Variants in UNC5C observed in about 807,000 individuals in gnomAD.
UNC5C encodes netrin receptor UNC5C.
In UNC5C, 47 loss-of-function variants were observed where a neutral mutation model predicts 99.8. That is an observed-to-expected ratio of 0.47 (90% CI 0.37 to 0.60). UNC5C has a LOEUF of 0.60. UNC5C is among the 20% of genes least tolerant of loss of function. The pLI, the probability that UNC5C is intolerant of heterozygous loss-of-function variation, is 0.00. For synonymous variants in UNC5C, 487 were observed against 452.2 expected (o/e 1.08, Z -0.98); for missense variants, 1,062 against 1,165.9 (o/e 0.91, Z 1.30).
rs1560836855 is a variant in UNC5C at position 95,448,234 on chromosome 4, G to GAGAGAGAGAGAGAGAC, written c.124+100499_124+100500insGTCTCTCTCTCTCTCT. 6.5e-4 allele frequency among the ~76,000 whole-genome samples: 93 copies of GAGAGAGAGAGAGAGAC among 143,448 alleles called. 1 individual carries two copies. Among genetic ancestry groups the GAGAGAGAGAGAGAGAC allele is most frequent in the African/African-American group, 1.6e-3 (63 of 38,910 alleles). The allele number at this position is 143,448 out of a possible 152,430, so 94.1% of individuals were successfully genotyped here. A position where few individuals can be genotyped will look rare whatever the true frequency, so the allele number is the denominator to read the frequency against. ...TGTGTGTGTGTGTGTGTGTGAGAGA[G>GAGAGAGAGAGAGAGAC]AGAGAGAGAGAGAGAGAGAGAGAGA... On this transcript the variant is annotated intron_variant, in intron 1 of 15. Coordinates refer to ENST00000453304, the MANE Select transcript of UNC5C (RefSeq NM_003728.4).
At chr4:95,272,614 C>G (rs1740703503) in intron 4 of UNC5C, among the ~76,000 whole-genome samples, 1 of 152,040 alleles carries the variant, frequency 6.6e-6, no homozygotes, top group Non-Finnish European at 1.5e-5. Flanking sequence ...TTGATTGGAC[C>G]AAAGCAAAGC....
intron 1 of UNC5C, among the ~76,000 whole-genome samples, chr4:95,347,111 T>C (rs1220728455): frequency 6.6e-6 from 1 of 152,072 alleles, no homozygotes; most frequent in Non-Finnish European, 1.5e-5. Flanking sequence ...AGCATTTCTA[T>C]ATGCCAACAG....
intron 3 of UNC5C, among the ~76,000 whole-genome samples, chr4:95,296,676 A>C (rs1032009021): frequency 4.7e-4 from 71 of 152,180 alleles, no homozygotes; most frequent in Admixed American, 4.7e-3. Flanking sequence ...TGGCAATTTT[A>C]AGTATATATT....
chr4:95,239,775 A>G (rs948990226), intron 7 of UNC5C, among the ~76,000 whole-genome samples: 5 of 152,156 alleles, frequency 3.3e-5, no homozygotes, highest in Non-Finnish European at 5.9e-5. Context: ...CTTAACAAGG[A>G]AATATATCTG....
intron 4 of UNC5C, among the ~76,000 whole-genome samples, chr4:95,260,791 G>A (rs1740191760): frequency 6.6e-6 from 1 of 152,116 alleles, no homozygotes; most frequent in African/African-American, 2.4e-5. Context: ...AAATTGGGAC[G>A]ACAGAGAAGC....
intron 7 of UNC5C, among the ~76,000 whole-genome samples, chr4:95,230,622 A>G (rs1395724442): frequency 6.6e-6 from 1 of 151,952 alleles, no homozygotes; most frequent in African/African-American, 2.4e-5. Context: ...TTTTTGTATA[A>G]GGTGTAAGGA....
intron 1 of UNC5C, among the ~76,000 whole-genome samples, chr4:95,391,104 G>T (rs1007317310): frequency 2.0e-5 from 3 of 152,178 alleles, no homozygotes; most frequent in African/African-American, 7.2e-5. Context: ...CTGTTGCCAT[G>T]CAAGATGTGT....
At position 95,278,126 on chromosome 4, in the gene UNC5C, C is replaced by G. The variant is rs1428926232; in HGVS notation, c.594+133G>C. On this transcript the variant is annotated intron_variant, in intron 4 of 15. Transcript: ENST00000453304. ...CCCAATCAATCTATTTTGCCAGCAGCAGGCAGTTAGGACTCTATTACCAAC... is the reference window on the plus strand; with the variant it reads ...CCCAATCAATCTATTTTGCCAGCAGGAGGCAGTTAGGACTCTATTACCAAC... 1.0e-5 allele frequency: 7 copies of G among 698,922 alleles called. No homozygotes were observed. In the East Asian group the frequency reaches 1.9e-4, roughly 19 times the overall value. The allele number at this position is 698,922 out of a possible 1,614,324, so 43.3% of individuals were successfully genotyped here.
intron 1 of UNC5C, among the ~76,000 whole-genome samples, chr4:95,384,379 T>G (rs1745152138): frequency 6.6e-6 from 1 of 152,130 alleles, no homozygotes; most frequent in African/African-American, 2.4e-5. Context: ...CAGATGGGCA[T>G]GCAGGGGAAA....
At chr4:95,461,911 G>T (rs1747611458) in intron 1 of UNC5C, among the ~76,000 whole-genome samples, 1 of 152,166 alleles carries the variant, frequency 6.6e-6, no homozygotes, top group Non-Finnish European at 1.5e-5. Context: ...AATGAAACAT[G>T]TATTTGCCTG....
intron 1 of UNC5C, among the ~76,000 whole-genome samples, chr4:95,399,331 C>T (rs1159984448): frequency 6.6e-6 from 1 of 152,276 alleles, no homozygotes; most frequent in East Asian, 1.9e-4. Context: ...CTGTCAACAA[C>T]TCCACAAAAA....
At chr4:95,337,917 T>C (rs979337410) in intron 1 of UNC5C, among the ~76,000 whole-genome samples, 9 of 152,060 alleles carry the variant, frequency 5.9e-5, no homozygotes, top group African/African-American at 2.2e-4. Context: ...CATAGTAGTT[T>C]ATTAAGATTT....
At chr4:95,308,960 A>T (rs1742166219) in intron 2 of UNC5C, among the ~76,000 whole-genome samples, 2 of 152,014 alleles carry the variant, frequency 1.3e-5, no homozygotes, top group Non-Finnish European at 2.9e-5. Flanking sequence ...ATCACAAAAG[A>T]CCCTGAATAG....
chr4:95,270,425 A>AG (rs1422908992), intron 4 of UNC5C, among the ~76,000 whole-genome samples: 1 of 152,004 alleles, frequency 6.6e-6, no homozygotes, highest in Non-Finnish European at 1.5e-5. Flanking sequence ...ACAATGGTAA[A>AG]AAATATAGCC....
chr4:95,534,176 AT>A (rs2149493747), intron 1 of UNC5C, among the ~76,000 whole-genome samples: 1 of 152,350 alleles, frequency 6.6e-6, no homozygotes, highest in Non-Finnish European at 1.5e-5. Context: ...GACAAAGAAA[AT>A]TACAAGTGAA....
Position 95,220,057 on chromosome 4 carries a change from C to G in UNC5C, c.1228G>C (p.Glu410Gln). ...FVYRKNHRDF[E>Q]SDIIDSSALN... is the part of the protein sequence containing the mutation. ...GCCGAAGAGTCAATAATATCTGACTCAAAGTCACGATGATTCTTCCGATAC... is the reference window on the plus strand; with the variant it reads ...GCCGAAGAGTCAATAATATCTGACTGAAAGTCACGATGATTCTTCCGATAC... The change falls in exon 8 of 16, where the codon GAG becomes CAG. Residue 410 changes from glutamate (E) to glutamine (Q), a missense_variant. Transcript: ENST00000453304. The G allele has an allele frequency of 6.2e-7, 1 of 1,614,106 alleles. No individual in the cohort carries two copies. The highest frequency in any genetic ancestry group is 1.6e-4 in the Middle Eastern group (1 of 6,062).
rs113654669 is a variant in UNC5C, at chr4:95,489,613, T to C, written c.124+59121A>G. On this transcript the variant is annotated intron_variant, in intron 1 of 15. Coordinates refer to ENST00000453304, the MANE Select transcript of UNC5C (RefSeq NM_003728.4). ...TACTGCCATATTATAGATGTGAGAG[T>C]CCTGCCCTGGAAGGGAGCAGAGAGA... Among the ~76,000 whole-genome samples, 15 of 151,524 alleles carry C rather than the reference T, an allele frequency of 9.9e-5. 1 individual carries two copies. The highest frequency in any genetic ancestry group is 3.6e-4 in the African/African-American group (15 of 41,354).
chr4:95,212,311 A>C (rs1211433273), intron 10 of UNC5C, among the ~76,000 whole-genome samples: 2 of 139,530 alleles, frequency 1.4e-5, no homozygotes, highest in African/African-American at 5.6e-5. Flanking sequence ...CTCTTTCTTT[A>C]CATTTTTACT....
intron 1 of UNC5C, among the ~76,000 whole-genome samples, chr4:95,525,984 GA>G (rs1276646103): frequency 1.3e-5 from 2 of 152,218 alleles, no homozygotes; most frequent in East Asian, 3.9e-4. Context: ...TAGGCTTAAT[GA>G]AAGACTAAAG....
Sources: allele counts gnomAD v4.1 joint callset (sites outside exome capture counted in the v4.1 genomes callset), GRCh38; gene constraint gnomAD v4.1.1; transcripts MANE v1.5; gene names NCBI Gene and HGNC (gene_info 2026-07-23, HGNC 2026-07-21).